SORCS2: variants seen among roughly 807,000 people sequenced by gnomAD.
The protein encoded by SORCS2 is sortilin related VPS10 domain containing receptor 2.
A neutral mutation model predicts 141.6 loss-of-function variants in SORCS2; 100 were observed. The ratio of observed to expected loss-of-function variants is 0.71; its 90% CI spans 0.60 to 0.83. SORCS2 has a LOEUF of 0.83. SORCS2 is among the 40% of genes least tolerant of loss of function. The pLI, the probability that SORCS2 is intolerant of heterozygous loss-of-function variation, is 0.00. For synonymous variants in SORCS2, 789 were observed against 676.9 expected (o/e 1.17, Z -2.57); for missense variants, 1,646 against 1,560.2 (o/e 1.05, Z -0.93).
At chr4:7,368,964 C>T (rs190425776) in intron 1 of SORCS2, among the ~76,000 whole-genome samples, 221 of 152,236 alleles carry the variant, frequency 1.5e-3, no homozygotes, top group Non-Finnish European at 2.2e-3. Flanking sequence ...GTGAGCTTTC[C>T]GCCATCATGG....
intron 4 of SORCS2, among the ~76,000 whole-genome samples, chr4:7,649,758 TTGA>T (rs1200590942): frequency 4.6e-5 from 7 of 152,124 alleles, no homozygotes; most frequent in African/African-American, 1.4e-4. Context: ...AGGGTTGGGC[TTGA>T]TGACCTGTTT....
chr4:7,314,747 G>A (rs552755824), intron 1 of SORCS2, among the ~76,000 whole-genome samples: 1 of 151,054 alleles, frequency 6.6e-6, no homozygotes. Context: ...CTGTGACCAC[G>A]GGTGTGAAGA....
intron 1 of SORCS2, among the ~76,000 whole-genome samples, chr4:7,384,200 T>A (rs2109076362): frequency 6.6e-6 from 1 of 152,126 alleles, no homozygotes; most frequent in African/African-American, 2.4e-5. Flanking sequence ...CCTCCTTGCG[T>A]GAGTGGCAAG....
intron 1 of SORCS2, among the ~76,000 whole-genome samples, chr4:7,200,585 G>T (rs1727433692): frequency 6.6e-6 from 1 of 152,202 alleles, no homozygotes. Context: ...TGGAGACCGG[G>T]AATGAAGTAG....
At chr4:7,600,338 G>A (rs973559453) in intron 3 of SORCS2, among the ~76,000 whole-genome samples, 4 of 152,142 alleles carry the variant, frequency 2.6e-5, no homozygotes, top group Non-Finnish European at 5.9e-5. Flanking sequence ...GCTACAGTAC[G>A]AGGAACCCCC....
intron 1 of SORCS2, among the ~76,000 whole-genome samples, chr4:7,194,037 C>T (rs1170680460): frequency 1.3e-5 from 2 of 152,160 alleles, no homozygotes; most frequent in Admixed American, 6.5e-5. Flanking sequence ...ACAAAAGGGC[C>T]AAGGGCCACT....
intron 2 of SORCS2, chr4:7,434,748 C>T: frequency 6.2e-7 from 1 of 1,613,188 alleles, no homozygotes; most frequent in Non-Finnish European, 8.5e-7. Flanking sequence ...ACCCCACAGC[C>T]CCGCACCTGG....
chr4:7,703,472 G>T (rs1483788607), intron 13 of SORCS2, 101 bp downstream of exon 13: 1 of 897,054 alleles, frequency 1.1e-6, no homozygotes, highest in African/African-American at 1.7e-5. Flanking sequence ...TCCTCCCCTC[G>T]GGGACACATG....
intron 3 of SORCS2, among the ~76,000 whole-genome samples, chr4:7,593,544 T>C (rs967303): frequency 0.65 from 98,803 of 151,956 alleles, 32,739 homozygotes; most frequent in East Asian, 0.86. Flanking sequence ...CACACTCTCA[T>C]GTTCCAGGCA....
chr4:7,543,998 A>G (rs1308967314), intron 3 of SORCS2, among the ~76,000 whole-genome samples: 3,605 of 133,734 alleles, frequency 0.027, 211 homozygotes, highest in Non-Finnish European at 0.032. Flanking sequence ...CCATCCACTC[A>G]TCCATCCATC....
At chr4:7,405,810 C>G (rs1577510004) in intron 2 of SORCS2, among the ~76,000 whole-genome samples, 3 of 151,960 alleles carry the variant, frequency 2.0e-5, no homozygotes, top group Non-Finnish European at 4.4e-5. Context: ...TCCTCTTTTC[C>G]AATTTGGATG....
At chr4:7,430,883 G>T (rs917961018) in intron 2 of SORCS2, 1 of 152,252 alleles carries the variant, frequency 6.6e-6, no homozygotes, top group Non-Finnish European at 1.5e-5. Flanking sequence ...CAGTCTCAGT[G>T]CTGAATGGTG....
chr4:7,214,978 G>A (rs62289674), intron 1 of SORCS2, among the ~76,000 whole-genome samples: 47,843 of 151,598 alleles, frequency 0.32, 8,202 homozygotes, highest in Non-Finnish European at 0.39. Flanking sequence ...CAGTCCTCAC[G>A]GCCCTCGCTT....
intron 3 of SORCS2, among the ~76,000 whole-genome samples, chr4:7,593,364 G>T (rs1240506328): frequency 6.6e-6 from 1 of 152,222 alleles, no homozygotes; most frequent in Non-Finnish European, 1.5e-5. Context: ...CTGCAGCAGA[G>T]CAGGTGAGGC....
chr4:7,531,580 T>TCACCA lies in SORCS2; in HGVS notation c.601_605dup (p.Val203ProfsTer53). The TCACCA allele has an allele frequency of 1.2e-6, 2 of 1,613,874 alleles. No homozygotes were observed. Among genetic ancestry groups the TCACCA allele is most frequent in the Non-Finnish European group, 1.7e-6 (2 of 1,179,852 alleles). On this transcript the variant is annotated frameshift_variant, in exon 3 of 27. Coordinates refer to ENST00000507866, the MANE Select transcript of SORCS2 (RefSeq NM_020777.3). LOFTEE classifies it high-confidence loss of function. ...ACCAAGCTCACCCTCCAGCCTGGTG[T>TCACCA]CACCACCGTCATCGACAATTTCTAC...
intron 3 of SORCS2, among the ~76,000 whole-genome samples, chr4:7,630,738 C>A (rs928695616): frequency 1.3e-5 from 2 of 152,186 alleles, no homozygotes; most frequent in African/African-American, 4.8e-5. Context: ...AATTTCAGAT[C>A]CGGGGGTGGA....
intron 1 of SORCS2, among the ~76,000 whole-genome samples, chr4:7,252,677 G>A (rs1713585804): frequency 6.6e-6 from 1 of 152,096 alleles, no homozygotes; most frequent in Non-Finnish European, 1.5e-5. Context: ...GCTTCTGAGA[G>A]GGGCTGGGGG....
intron 3 of SORCS2, among the ~76,000 whole-genome samples, chr4:7,605,082 T>C (rs1343179884): frequency 6.6e-6 from 1 of 152,250 alleles, no homozygotes; most frequent in Non-Finnish European, 1.5e-5. Context: ...GAGGTCAGCA[T>C]GGGACTGGTT....
At chr4:7,672,064 C>T (rs1722833498) in intron 8 of SORCS2, among the ~76,000 whole-genome samples, 1 of 151,922 alleles carries the variant, frequency 6.6e-6, no homozygotes, top group Admixed American at 6.6e-5. Flanking sequence ...CTGCCTCAGC[C>T]TCCTGAGTAG....
Sources: allele counts gnomAD v4.1 joint callset (sites outside exome capture counted in the v4.1 genomes callset), GRCh38; gene constraint gnomAD v4.1.1; transcripts MANE v1.5; gene names NCBI Gene and HGNC (gene_info 2026-07-23, HGNC 2026-07-21).